Variants in PSD3 observed in about 807,000 individuals in gnomAD.
PSD3 encodes the protein PH and SEC7 domain-containing protein 3.
A neutral mutation model predicts 105.5 loss-of-function variants in PSD3; 49 were observed. The ratio of observed to expected loss-of-function variants is 0.46; its 90% CI spans 0.37 to 0.59. The LOEUF is 0.59. PSD3 is among the 20% of genes least tolerant of loss of function. The pLI is 0.00. For missense variants in PSD3, 1,561 were observed against 1,263.8 expected, an observed-to-expected ratio of 1.24 and a Z score of -3.57; for synonymous variants, 557 against 457.8, an observed-to-expected ratio of 1.22 and a Z score of -2.77.
chr8:18,673,273 A>G (rs1485659588), intron 9 of PSD3, among the ~76,000 whole-genome samples: 7 of 152,030 alleles, frequency 4.6e-5, no homozygotes, highest in Admixed American at 4.6e-4. Context: ...AAATCATACC[A>G]CAGTCACAAT....
chr8:18,957,595 C>T (rs527946566), intron 1 of PSD3, among the ~76,000 whole-genome samples: 107 of 152,296 alleles, frequency 7.0e-4, no homozygotes, highest in Middle Eastern at 6.8e-3. Flanking sequence ...TTCACCTATT[C>T]CATTACAGCC....
intron 8 of PSD3, among the ~76,000 whole-genome samples, chr8:18,791,562 A>G (rs1586008455): frequency 6.6e-6 from 1 of 152,174 alleles, no homozygotes. Context: ...TCCTTACACC[A>G]TATACAAAAA....
intron 10 of PSD3, among the ~76,000 whole-genome samples, chr8:18,636,442 AG>A (rs1807263063): frequency 1.3e-5 from 2 of 152,216 alleles, no homozygotes; most frequent in African/African-American, 4.8e-5. Flanking sequence ...AAAAAGTTAC[AG>A]TATGCTGATG....
chr8:18,534,364 C>T lies in PSD3; in HGVS notation c.*1379G>A, dbSNP rs959749297. 1 of 152,578 alleles carries T rather than the reference C, an allele frequency of 6.6e-6. No homozygotes were observed. Among genetic ancestry groups the T allele is most frequent in the Non-Finnish European group, 1.5e-5 (1 of 68,034 alleles). 9.5% of individuals were successfully genotyped at this position (152,578 alleles called of 1,614,324 possible). A position where few individuals can be genotyped will look rare whatever the true frequency, so the allele number is the denominator to read the frequency against. ...GTCTCAGTGGGCTAAACTTTCACTC[C>T]TTTCTCTTCCTCTACAGAAGAATAT... On this transcript the variant is annotated 3_prime_UTR_variant, in exon 16 of 16. Transcript: ENST00000327040.
At position 18,528,189 on chromosome 8, in the gene PSD3, G is replaced by A. The variant is rs1585179654; in HGVS notation, c.*7554C>T. 1 of 152,142 alleles carries A rather than the reference G, an allele frequency of 6.6e-6. No homozygotes were observed. Among genetic ancestry groups the A allele is most frequent in the East Asian group, 1.9e-4 (1 of 5,190 alleles). The allele number at this position is 152,142 out of a possible 1,614,324, so 9.4% of individuals were successfully genotyped here. On this transcript the variant is annotated 3_prime_UTR_variant, in exon 16 of 16. Transcript: ENST00000327040. ...CTTGAGATATAAGAGACTGCAGGGA[G>A]GTGGTTAGGCCTTTACCTAACAGCT...
intron 11 of PSD3, among the ~76,000 whole-genome samples, chr8:18,609,374 T>C (rs1805090958): frequency 6.6e-6 from 1 of 152,176 alleles, no homozygotes; most frequent in Non-Finnish European, 1.5e-5. Context: ...GAGAAAGATA[T>C]TCACAATATA....
rs1217052315 is a variant in PSD3, at chr8:18,727,588, G to GCACA, written c.2172+37857_2172+37860dup. Among the ~76,000 whole-genome samples, 22 of 119,934 alleles carry GCACA rather than the reference G, an allele frequency of 1.8e-4. No individual in the cohort carries two copies. In the South Asian group the frequency reaches 3.5e-3, roughly 19 times the overall value. 78.7% of individuals were successfully genotyped at this position (119,934 alleles called of 152,430 possible). On this transcript the variant is annotated intron_variant, in intron 9 of 15. Coordinates refer to ENST00000327040, the MANE Select transcript of PSD3 (RefSeq NM_015310.4). Reference sequence around the variant, plus strand: ...CACACACACACACACACACACGCACGCACACACACACCCCTCTTATTCATC... The same window carrying GCACA: ...CACACACACACACACACACACGCACGCACACACACACACACCCCTCTTATTCATC...
intron 12 of PSD3, among the ~76,000 whole-genome samples, chr8:18,594,814 C>G (rs934919300): frequency 2.6e-5 from 4 of 152,042 alleles, no homozygotes; most frequent in Non-Finnish European, 5.9e-5. Flanking sequence ...GCCTACACAT[C>G]ACTTCATTGG....
intron 12 of PSD3, among the ~76,000 whole-genome samples, chr8:18,577,857 G>A (rs1051556250): frequency 1.8e-4 from 28 of 151,730 alleles, no homozygotes; most frequent in Non-Finnish European, 3.4e-4. Context: ...ATGTTTCCTC[G>A]CTCACCTGCT....
At chr8:18,622,390 C>T (rs995047198) in intron 11 of PSD3, among the ~76,000 whole-genome samples, 1 of 152,176 alleles carries the variant, frequency 6.6e-6, no homozygotes, top group Admixed American at 6.5e-5. Flanking sequence ...CAATGTGCTT[C>T]TACCACTGTG....
chr8:18,961,424 C>T (rs913111280), intron 1 of PSD3, among the ~76,000 whole-genome samples: 2 of 152,168 alleles, frequency 1.3e-5, no homozygotes, highest in African/African-American at 4.8e-5. Context: ...CGCGGTGGCT[C>T]ACGCCTATAA....
rs952804061 is a variant in PSD3, at chr8:18,804,828, C to T, written c.1705G>A (p.Glu569Lys). The change falls in exon 5 of 16, where the codon GAG (glutamate) becomes AAG (lysine). Residue 569 changes from glutamate (E) to lysine (K), a missense_variant. Physicochemically the swap from Glu to Lys is moderately conservative, Grantham distance 56. Coordinates refer to ENST00000327040, the MANE Select transcript of PSD3 (RefSeq NM_015310.4). ...EMGSTEILEK[E>K]TPENLSNGTS... ...CCATTACTGAGATTTTCTGGGGTCT[C>T]CTTTTCCAAAATTTCAGTGCTCCCC... 4.3e-6 allele frequency: 7 copies of T among 1,613,808 alleles called. No individual in the cohort carries two copies. The highest frequency in any genetic ancestry group is 1.7e-5 in the Admixed American group (1 of 60,004).
chr8:18,839,253 G>A (rs1227791389), intron 4 of PSD3, among the ~76,000 whole-genome samples: 1 of 152,078 alleles, frequency 6.6e-6, no homozygotes, highest in Non-Finnish European at 1.5e-5. Flanking sequence ...ACAGAGCATG[G>A]ACAGAAGAGA....
chr8:18,846,306 T>C (rs1201720019), intron 4 of PSD3, among the ~76,000 whole-genome samples: 5 of 152,210 alleles, frequency 3.3e-5, no homozygotes, highest in Admixed American at 1.3e-4. Flanking sequence ...AGGGCACAAG[T>C]AGGCCCTTCA....
At chr8:18,649,855 G>A (rs1808343032) in intron 10 of PSD3, among the ~76,000 whole-genome samples, 1 of 152,132 alleles carries the variant, frequency 6.6e-6, no homozygotes, top group South Asian at 2.1e-4. Flanking sequence ...ACCCTGCTCT[G>A]GCCATGTGAA....
chr8:18,804,367 C>A, intron 6 of PSD3, 155 bp downstream of exon 6: 1 of 633,362 alleles, frequency 1.6e-6, no homozygotes, highest in Admixed American at 3.4e-5. Context: ...AAATCCACAA[C>A]ACTTATGGAC....
chr8:18,969,652 T>C (rs1014693619), intron 1 of PSD3, among the ~76,000 whole-genome samples: 2 of 152,242 alleles, frequency 1.3e-5, no homozygotes, highest in African/African-American at 2.4e-5. Context: ...AAATTCAGTA[T>C]TCAAATTACT....
At chr8:18,785,900 G>C (rs1194823246) in intron 8 of PSD3, among the ~76,000 whole-genome samples, 1 of 152,150 alleles carries the variant, frequency 6.6e-6, no homozygotes, top group Non-Finnish European at 1.5e-5. Context: ...TATCAATTAA[G>C]TCTGCTGTCT....
chr8:18,956,242 G>T (rs1016685096), intron 1 of PSD3, among the ~76,000 whole-genome samples: 1 of 152,120 alleles, frequency 6.6e-6, no homozygotes, highest in South Asian at 2.1e-4. Flanking sequence ...CATGAAGGAA[G>T]GCTGAGGAGA....
Sources: allele counts gnomAD v4.1 joint callset (sites outside exome capture counted in the v4.1 genomes callset), GRCh38; gene constraint gnomAD v4.1.1; transcripts MANE v1.5; gene names NCBI Gene and HGNC (gene_info 2026-07-23, HGNC 2026-07-21).